RFX3: variants seen among roughly 807,000 people sequenced by gnomAD.
The protein encoded by RFX3 is regulatory factor X3, also known as transcription factor RFX3.
In RFX3, 14 loss-of-function variants were observed where a neutral mutation model predicts 98.6. The observed-to-expected ratio is 0.14, with a 90% confidence interval of 0.09 to 0.22. The LOEUF is 0.22. Among genes scored for constraint, RFX3 ranks in the 10% least tolerant of loss-of-function variants. The pLI, the probability that RFX3 is intolerant of heterozygous loss-of-function variation, is 1.00. For missense variants in RFX3, 639 were observed against 926.9 expected (o/e 0.69, Z 4.03); for synonymous variants, 383 against 328.4 (o/e 1.17, Z -1.80).
At chr9:3,440,496 C>T (rs563448643) in intron 1 of RFX3, among the ~76,000 whole-genome samples, 4 of 152,052 alleles carry the variant, frequency 2.6e-5, no homozygotes, top group South Asian at 4.2e-4. Context: ...ATAATAGCAT[C>T]CACAAACACA....
intron 1 of RFX3, among the ~76,000 whole-genome samples, chr9:3,467,325 T>C (rs1465296867): frequency 6.7e-6 from 1 of 148,312 alleles, no homozygotes; most frequent in Non-Finnish European, 1.5e-5. Context: ...TGTGTGTGTG[T>C]ATGTACGTGT....
chr9:3,358,647 G>A (rs543762974), intron 2 of RFX3, among the ~76,000 whole-genome samples: 12 of 152,130 alleles, frequency 7.9e-5, no homozygotes, highest in South Asian at 6.2e-4. Context: ...ATATTTTGGC[G>A]GTAACACCAT....
chr9:3,343,982 AT>A (rs1834167930), intron 3 of RFX3, among the ~76,000 whole-genome samples: 1 of 152,224 alleles, frequency 6.6e-6, no homozygotes, highest in African/African-American at 2.4e-5. Context: ...AATGGGTCCT[AT>A]AGTTTTAAAG....
intron 1 of RFX3, among the ~76,000 whole-genome samples, chr9:3,517,312 C>A (rs1818280889): frequency 6.6e-6 from 1 of 152,192 alleles, no homozygotes; most frequent in South Asian, 2.1e-4. Context: ...CCTTTATTTT[C>A]TCTTTAACCT....
intron 4 of RFX3, among the ~76,000 whole-genome samples, chr9:3,327,141 G>A (rs987845276): frequency 6.6e-6 from 1 of 151,652 alleles, no homozygotes; most frequent in South Asian, 2.1e-4. Context: ...TGATTCTACA[G>A]TAAAAGAAAA....
intron 14 of RFX3, among the ~76,000 whole-genome samples, chr9:3,251,741 G>C (rs1821432235): frequency 1.3e-5 from 2 of 152,120 alleles, no homozygotes; most frequent in African/African-American, 4.8e-5. Flanking sequence ...ACAATACTGA[G>C]TCAGGTGAAT....
chr9:3,362,545 G>C (rs1178878224), intron 2 of RFX3, among the ~76,000 whole-genome samples: 2 of 152,090 alleles, frequency 1.3e-5, no homozygotes, highest in African/African-American at 4.8e-5. Flanking sequence ...TTCTTATACA[G>C]GGTTGCAGTT....
intron 1 of RFX3, among the ~76,000 whole-genome samples, chr9:3,435,382 TTTAG>T (rs149350515): frequency 0.17 from 25,254 of 151,904 alleles, 2,941 homozygotes; most frequent in African/African-American, 0.33. Context: ...TTTTTGTATA[TTTAG>T]TTTTTTCCTT....
At chr9:3,263,766 C>T (rs1282419165) in intron 12 of RFX3, among the ~76,000 whole-genome samples, 1 of 152,150 alleles carries the variant, frequency 6.6e-6, no homozygotes, top group African/African-American at 2.4e-5. Flanking sequence ...GAAGATTGAT[C>T]CGAATGGACC....
chr9:3,392,482 T>C (rs949461046), intron 2 of RFX3, among the ~76,000 whole-genome samples: 16 of 149,656 alleles, frequency 1.1e-4, no homozygotes, highest in African/African-American at 3.7e-4. Context: ...ATATAAGGCC[T>C]GAACAATGAA....
At chr9:3,359,983 C>T (rs185614861) in intron 2 of RFX3, among the ~76,000 whole-genome samples, 112 of 151,974 alleles carry the variant, frequency 7.4e-4, no homozygotes, top group African/African-American at 2.4e-3. Context: ...TTTTAGTTGC[C>T]ATTATCTTAG....
intron 3 of RFX3, chr9:3,344,963 A>G (rs2131132046): frequency 1.6e-6 from 1 of 624,846 alleles, no homozygotes; most frequent in South Asian, 1.9e-5. Context: ...ACGGTAACAG[A>G]AATTTACTGA....
chr9:3,238,511 C>T (rs191180774), intron 15 of RFX3, among the ~76,000 whole-genome samples: 20 of 152,238 alleles, frequency 1.3e-4, no homozygotes, highest in African/African-American at 4.8e-4. Flanking sequence ...TGGCCTAACC[C>T]GAGTGTTTCT....
intron 4 of RFX3, among the ~76,000 whole-genome samples, chr9:3,329,409 A>G (rs1311668961): frequency 6.9e-6 from 1 of 144,876 alleles, no homozygotes; most frequent in Non-Finnish European, 1.5e-5. Flanking sequence ...CTTCATCTCA[A>G]AAAAAAAAAA....
At chr9:3,411,100 T>A (rs182210367) in intron 1 of RFX3, among the ~76,000 whole-genome samples, 1 of 152,346 alleles carries the variant, frequency 6.6e-6, no homozygotes, top group East Asian at 1.9e-4. Flanking sequence ...AGCTGATTAC[T>A]TCTCATGATC....
intron 1 of RFX3, among the ~76,000 whole-genome samples, chr9:3,422,915 A>T (rs529644607): frequency 2.5e-4 from 38 of 152,318 alleles, no homozygotes; most frequent in African/African-American, 8.9e-4. Flanking sequence ...TATTTAAAAA[A>T]ATAATTAAAA....
chr9:3,269,266 T>C (rs1409386140), intron 11 of RFX3, among the ~76,000 whole-genome samples: 1 of 152,040 alleles, frequency 6.6e-6, no homozygotes, highest in African/African-American at 2.4e-5. Flanking sequence ...CGGGAACATA[T>C]TAAAGATCTC....
chr9:3,521,670 G>C lies in RFX3; in HGVS notation c.-9+4077C>G, dbSNP rs182194805. On this transcript the variant is annotated intron_variant, in intron 1 of 16. Transcript: ENST00000617270. Reference sequence around the variant, plus strand: ...ACTTAAAAATATTATCATTTTAAAAGATCACTATAAACTTTATAGCAGTAA... The same window carrying C: ...ACTTAAAAATATTATCATTTTAAAACATCACTATAAACTTTATAGCAGTAA... Among the ~76,000 whole-genome samples, 688 of 152,180 alleles carry C rather than the reference G, an allele frequency of 4.5e-3. 6 individuals carry two copies. Among genetic ancestry groups the C allele is most frequent in the African/African-American group, 0.016 (646 of 41,524 alleles).
intron 3 of RFX3, among the ~76,000 whole-genome samples, chr9:3,343,841 G>C (rs984008721): frequency 6.6e-6 from 1 of 152,176 alleles, no homozygotes; most frequent in South Asian, 2.1e-4. Context: ...CCAGATCAAA[G>C]CTAATTGGAC....
Sources: allele counts gnomAD v4.1 joint callset (sites outside exome capture counted in the v4.1 genomes callset), GRCh38; gene constraint gnomAD v4.1.1; transcripts MANE v1.5; gene names NCBI Gene and HGNC (gene_info 2026-07-23, HGNC 2026-07-21).